The following TRIM24 variants were observed in gnomAD, a reference collection of about 807,000 sequenced individuals.
The protein encoded by TRIM24 is tripartite motif containing 24.
A neutral mutation model predicts 123.9 loss-of-function variants in TRIM24; 29 were observed. That is an observed-to-expected ratio of 0.23 (90% CI 0.17 to 0.32). The LOEUF is 0.32. Among genes scored for constraint, TRIM24 ranks in the 10% least tolerant of loss-of-function variants. The probability of loss-of-function intolerance (pLI) is 1.00; values close to 1 mark genes in which losing one functional copy is unlikely to be tolerated. For missense variants in TRIM24, 932 were observed against 1,295.3 expected, an observed-to-expected ratio of 0.72 and a Z score of 4.31; for synonymous variants, 456 against 461.1, an observed-to-expected ratio of 0.99 and a Z score of 0.14.
chr7:138,473,241 C>G (rs548691334), intron 1 of TRIM24, among the ~76,000 whole-genome samples: 1 of 152,206 alleles, frequency 6.6e-6, no homozygotes, highest in Non-Finnish European at 1.5e-5. Context: ...GATCATGCCA[C>G]TGCACTCCAG....
intron 6 of TRIM24, among the ~76,000 whole-genome samples, chr7:138,534,084 C>T (rs184573284): frequency 3.6e-3 from 541 of 151,858 alleles, no homozygotes; most frequent in African/African-American, 0.012. Flanking sequence ...TTTTTTATTG[C>T]GTCTGTTTGA....
chr7:138,460,298 G>C lies in TRIM24; in HGVS notation c.-251G>C. 1 of 386,814 alleles carries C rather than the reference G, an allele frequency of 2.6e-6. No homozygotes were observed. Among genetic ancestry groups the C allele is most frequent in the Non-Finnish European group, 4.5e-6 (1 of 220,744 alleles). 24.0% of individuals were successfully genotyped at this position (386,814 alleles called of 1,614,324 possible). A position where few individuals can be genotyped will look rare whatever the true frequency, so the allele number is the denominator to read the frequency against. ...CCTCGGCGGTTGGCGAAGCGGACGG[G>C]GTGCAGCCTCCCCGGTGCGAGGAAC... is the stretch of plus-strand genomic sequence containing the variant. On this transcript the variant is annotated 5_prime_UTR_variant, in exon 1 of 19. Coordinates refer to ENST00000343526, the MANE Select transcript of TRIM24 (RefSeq NM_015905.3).
At chr7:138,481,719 G>A (rs2116478311) in intron 1 of TRIM24, among the ~76,000 whole-genome samples, 1 of 152,112 alleles carries the variant, frequency 6.6e-6, no homozygotes, top group East Asian at 1.9e-4. Flanking sequence ...GCTAATGTGG[G>A]AAGATTGCTT....
chr7:138,567,320 G>T (rs1028781765), intron 9 of TRIM24, among the ~76,000 whole-genome samples, 161 bp from the exon 10 acceptor site: 2 of 152,074 alleles, frequency 1.3e-5, no homozygotes, highest in Non-Finnish European at 2.9e-5. Flanking sequence ...AATTCTGAAA[G>T]TCTGCCCATC....
chr7:138,555,565 C>T (rs895401665), intron 9 of TRIM24, among the ~76,000 whole-genome samples: 11 of 151,566 alleles, frequency 7.3e-5, no homozygotes, highest in African/African-American at 2.7e-4. Flanking sequence ...TCACTACAAC[C>T]TCTGCCTCCC....
rs770446948 is a variant in TRIM24, at chr7:138,567,550, C to T, written c.1600C>T (p.His534Tyr). 3 of 1,614,098 alleles carry T rather than the reference C, an allele frequency of 1.9e-6. No individual in the cohort carries two copies. The highest frequency in any genetic ancestry group is 2.2e-5 in the East Asian group (1 of 44,846). Residue 534 changes from histidine to tyrosine, a missense_variant, in exon 10 of 19, where the codon CAT becomes TAT. His to Tyr is a moderately conservative substitution (Grantham distance 83). This residue lies in a region of TRIM24 where 527 missense variants were observed against 691.3 expected (regional missense o/e 0.76). Coordinates refer to ENST00000343526, the MANE Select transcript of TRIM24 (RefSeq NM_015905.3). ...PKPNGPVLPPHPQQLRYPPNQ... is the reference protein window; with the variant it reads ...PKPNGPVLPPYPQQLRYPPNQ... ...ACCCAATGGACCAGTTCTTCCTCCT[C>T]ATCCTCAACAACTGAGATATCCACC...
intron 1 of TRIM24, among the ~76,000 whole-genome samples, chr7:138,487,616 T>C (rs1309048745): frequency 2.0e-5 from 3 of 152,150 alleles, no homozygotes; most frequent in African/African-American, 7.2e-5. Flanking sequence ...GTAGTTTTTG[T>C]CTTTGGTTCT....
chr7:138,490,221 C>T (rs190879185), intron 1 of TRIM24, among the ~76,000 whole-genome samples: 139 of 152,258 alleles, frequency 9.1e-4, no homozygotes, highest in Non-Finnish European at 1.4e-3. Context: ...AAGGTCTTCT[C>T]TACACTGTTT....
chr7:138,484,013 A>G (rs1200862389), intron 1 of TRIM24, among the ~76,000 whole-genome samples: 1 of 152,112 alleles, frequency 6.6e-6, no homozygotes, highest in Non-Finnish European at 1.5e-5. Context: ...GCAGTACATA[A>G]TATTGAACCT....
rs1361158738 is a variant in TRIM24, at chr7:138,516,037, C to T, written c.631+678C>T. On this transcript the variant is annotated intron_variant, in intron 3 of 18. Coordinates refer to ENST00000343526, the MANE Select transcript of TRIM24 (RefSeq NM_015905.3). ...TTTTCTGGCCGGGCGCGGTGGCTCACGCCTGTTATCCCAGCACTTTGGGAG... is the reference window on the plus strand; with the variant it reads ...TTTTCTGGCCGGGCGCGGTGGCTCATGCCTGTTATCCCAGCACTTTGGGAG... Among the ~76,000 whole-genome samples, 10 of 152,182 alleles carry T rather than the reference C, an allele frequency of 6.6e-5. No individual in the cohort carries two copies. In the South Asian group the frequency reaches 1.2e-3, roughly 19 times the overall value.
At chr7:138,530,526 C>T (rs982688389) in intron 6 of TRIM24, among the ~76,000 whole-genome samples, 5 of 151,964 alleles carry the variant, frequency 3.3e-5, no homozygotes, top group African/African-American at 7.3e-5. Flanking sequence ...AGTGCAATAG[C>T]GTGAATCACG....
chr7:138,568,436 G>C (rs1158363346), intron 10 of TRIM24, among the ~76,000 whole-genome samples: 3 of 121,934 alleles, frequency 2.5e-5, no homozygotes, highest in Non-Finnish European at 4.8e-5. Flanking sequence ...ACTCAGGCTA[G>C]AGTACAGTGG....
rs571528501 is a variant in TRIM24 at position 138,517,857 on chromosome 7, T to C, written c.632-1332T>C. 1.4e-3 allele frequency among the ~76,000 whole-genome samples: 208 copies of C among 152,352 alleles called. 4 individuals carry two copies. Among genetic ancestry groups the C allele is most frequent in the Non-Finnish European group, 1.8e-4 (12 of 68,024 alleles). On this transcript the variant is annotated intron_variant, in intron 3 of 18. Coordinates refer to ENST00000343526, the MANE Select transcript of TRIM24 (RefSeq NM_015905.3). ...GATAGTAAAGTATGTGTCTTCTCTC[T>C]TTCTCTCTTGCTTTCTCTCTCGCAT...
intron 9 of TRIM24, among the ~76,000 whole-genome samples, chr7:138,562,984 A>T (rs966523102): frequency 6.6e-6 from 1 of 152,174 alleles, no homozygotes; most frequent in East Asian, 1.9e-4. Context: ...TTGTCCTCCT[A>T]TAACGAACCT....
At chr7:138,568,578 G>GTACTACA (rs2116665723) in intron 10 of TRIM24, among the ~76,000 whole-genome samples, 1 of 151,444 alleles carries the variant, frequency 6.6e-6, no homozygotes, top group African/African-American at 2.4e-5. Context: ...GTAGAGACAG[G>GTACTACA]GTTTCACCAT....
At chr7:138,517,120 C>G (rs1221171953) in intron 3 of TRIM24, among the ~76,000 whole-genome samples, 2 of 151,280 alleles carry the variant, frequency 1.3e-5, no homozygotes, top group East Asian at 3.9e-4. Flanking sequence ...AAAAAAAAAC[C>G]GTCTTAGCGT....
At chr7:138,541,362 C>T (rs748178056) in intron 7 of TRIM24, among the ~76,000 whole-genome samples, 41 of 152,094 alleles carry the variant, frequency 2.7e-4, no homozygotes, top group Non-Finnish European at 5.3e-4. Context: ...GTTGTGTTAG[C>T]GGGCATGAAA....
Position 138,584,825 on chromosome 7 carries a change from G to T in TRIM24, c.3027G>T (p.Arg1009Ser), listed in dbSNP as rs34585297. ...TAAAGAACCTCTATCCAGAAAAAAG[G>T]TTTCCCAAACCAGAATTCAGGAATG... ...ELLKNLYPEK[R>S]FPKPEFRNES... The change falls in exon 19 of 19, where the codon AGG becomes AGT. Residue 1009 changes from arginine (R) to serine (S), a missense_variant. Around this residue, in one of 7 missense-constraint regions of TRIM24, gnomAD observed 104 missense variants for 121.5 expected, o/e 0.86. Transcript: ENST00000343526. The T allele has an allele frequency of 4.1e-3, 6,564 of 1,613,460 alleles. 20 individuals carry two copies. Among genetic ancestry groups the T allele is most frequent in the Non-Finnish European group, 5.0e-3 (5,882 of 1,179,762 alleles).
intron 10 of TRIM24, 108 bp from the exon 11 acceptor site, chr7:138,570,722 G>A: frequency 9.8e-7 from 1 of 1,016,688 alleles, no homozygotes; most frequent in Admixed American, 2.7e-5. Flanking sequence ...CTCCTTCCAT[G>A]TAAATTACAG....
Sources: gnomAD v4.1 joint callset for allele counts (sites outside exome capture counted in the v4.1 genomes callset) on GRCh38, gnomAD v4.1.1 for gene constraint, gnomAD v4.1.1 regional missense constraint, MANE v1.5 for transcripts, NCBI Gene and HGNC (gene_info 2026-07-23, HGNC 2026-07-21) for gene names.